Variants in JARID2 observed in about 807,000 individuals in gnomAD.
JARID2 encodes jumonji and AT-rich interaction domain containing 2, also known as protein Jumonji.
In JARID2, 21 loss-of-function variants were observed where a neutral mutation model predicts 125.6. The observed-to-expected ratio is 0.17, with a 90% CI of 0.12 to 0.24. JARID2 has a LOEUF of 0.24. JARID2 is among the 10% of genes least tolerant of loss of function. The pLI is 1.00. For synonymous variants in JARID2, 736 were observed against 661.6 expected, an observed-to-expected ratio of 1.11 and a Z score of -1.73; for missense variants, 1,303 against 1,639.6, an observed-to-expected ratio of 0.79 and a Z score of 3.55.
chr6:15,259,110 G>A (rs1479674273), intron 1 of JARID2, among the ~76,000 whole-genome samples: 1 of 152,198 alleles, frequency 6.6e-6, no homozygotes, highest in Non-Finnish European at 1.5e-5. Flanking sequence ...TGGTTTGTGA[G>A]GATGAGGGTA....
chr6:15,411,230 T>C (rs1219800988), intron 3 of JARID2, among the ~76,000 whole-genome samples: 1 of 152,200 alleles, frequency 6.6e-6, no homozygotes, highest in Non-Finnish European at 1.5e-5. Flanking sequence ...TTACTCATTC[T>C]GGAGAATTTA....
chr6:15,380,356 T>G (rs548933715), intron 2 of JARID2, among the ~76,000 whole-genome samples: 1 of 152,284 alleles, frequency 6.6e-6, no homozygotes, highest in South Asian at 2.1e-4. Context: ...AATTTTTTAT[T>G]GGGAAAAAGA....
chr6:15,381,570 A>G (rs911635950), intron 2 of JARID2, among the ~76,000 whole-genome samples: 8 of 152,304 alleles, frequency 5.3e-5, no homozygotes, highest in Middle Eastern at 3.4e-3. Flanking sequence ...AAGGGCTTCA[A>G]TGTTGTTGAA....
At chr6:15,316,703 A>G (rs1161873992) in intron 1 of JARID2, among the ~76,000 whole-genome samples, 1 of 152,098 alleles carries the variant, frequency 6.6e-6, no homozygotes, top group Admixed American at 6.5e-5. Flanking sequence ...GGGTTTCACC[A>G]TGTTGGCCAG....
chr6:15,392,071 T>C (rs1765036050), intron 2 of JARID2, among the ~76,000 whole-genome samples: 2 of 107,948 alleles, frequency 1.9e-5, no homozygotes, highest in Admixed American at 8.7e-5. Flanking sequence ...TGTGTGTGTG[T>C]GTGTGTGCGT....
intron 7 of JARID2, among the ~76,000 whole-genome samples, chr6:15,497,510 C>T (rs951108412): frequency 8.6e-5 from 13 of 151,972 alleles, no homozygotes; most frequent in South Asian, 2.1e-4. Context: ...ATTAGCCGGG[C>T]GTGGTGGCGG....
intron 2 of JARID2, among the ~76,000 whole-genome samples, chr6:15,388,792 C>G (rs1561830757): frequency 6.6e-6 from 1 of 152,148 alleles, no homozygotes; most frequent in Non-Finnish European, 1.5e-5. Flanking sequence ...CCCGTAGCTT[C>G]TCTCCCTGAC....
At chr6:15,509,035 TC>T (rs891205603) in intron 12 of JARID2, 9 of 1,289,254 alleles carry the variant, frequency 7.0e-6, no homozygotes, top group African/African-American at 3.0e-5. Context: ...GGAATCTCGT[TC>T]CTGCCATGTG....
chr6:15,323,189 C>A (rs559025046), intron 1 of JARID2, among the ~76,000 whole-genome samples: 2 of 152,274 alleles, frequency 1.3e-5, no homozygotes, highest in Non-Finnish European at 2.9e-5. Context: ...GCTTGCCAGG[C>A]AGGCAGGCAC....
At chr6:15,408,183 T>C (rs1388301488) in intron 2 of JARID2, among the ~76,000 whole-genome samples, 5 of 152,088 alleles carry the variant, frequency 3.3e-5, no homozygotes, top group Admixed American at 6.6e-5. Context: ...GCCCAGGAGG[T>C]CAAGGCTGCA....
intron 1 of JARID2, among the ~76,000 whole-genome samples, chr6:15,277,347 C>A (rs1487225381): frequency 6.6e-6 from 1 of 152,114 alleles, no homozygotes; most frequent in Non-Finnish European, 1.5e-5. Context: ...TGGTTTGGAA[C>A]TCCTGGGCTC....
At chr6:15,285,962 T>C (rs1760983671) in intron 1 of JARID2, among the ~76,000 whole-genome samples, 1 of 152,236 alleles carries the variant, frequency 6.6e-6, no homozygotes, top group Non-Finnish European at 1.5e-5. Context: ...ATTTCTGATG[T>C]ATAACTATGA....
chr6:15,252,788 T>A (rs1214068918), intron 1 of JARID2, among the ~76,000 whole-genome samples: 1 of 152,220 alleles, frequency 6.6e-6, no homozygotes, highest in Non-Finnish European at 1.5e-5. Flanking sequence ...AACTGTACTC[T>A]TTATATCCTG....
In JARID2 at chr6:15,508,760, G is replaced by A. The variant is rs138020210; in HGVS notation, c.2846+306G>A. On this transcript the variant is annotated intron_variant, in intron 12 of 17. Transcript: ENST00000341776. ...GTTCCCTTAAGAATTACCTACTTAC[G>A]TCTGTTTTTGTTTTGTTTTGTTTCG... Among the ~76,000 whole-genome samples the A allele has an allele frequency of 5.2e-4, 79 of 152,216 alleles. 1 individual carries two copies. The East Asian group carries it at 0.014, about 27-fold the overall frequency.
At chr6:15,455,748 G>A (rs183836405) in intron 4 of JARID2, among the ~76,000 whole-genome samples, 8 of 152,198 alleles carry the variant, frequency 5.3e-5, no homozygotes, top group Non-Finnish European at 7.4e-5. Flanking sequence ...GGCTGATCTC[G>A]AACTCCTGAC....
chr6:15,513,098 G>GTCCCCCCCGAGCA (rs1771356265), intron 15 of JARID2, 53 bp downstream of exon 15: 6 of 1,610,754 alleles, frequency 3.7e-6, no homozygotes, highest in Non-Finnish European at 4.2e-6. Flanking sequence ...TGCCCTTCGG[G>GTCCCCCCCGAGCA]GGCTCACCCC....
intron 1 of JARID2, among the ~76,000 whole-genome samples, chr6:15,280,657 C>CT (rs1760715943): frequency 7.0e-6 from 1 of 142,968 alleles, no homozygotes; most frequent in Admixed American, 7.1e-5. Flanking sequence ...GAGATGGAGT[C>CT]TCGCTCTGTT....
chr6:15,496,299 G>A lies in JARID2; in HGVS notation c.1074G>A (p.Lys358=), dbSNP rs745986790. 1 of 1,614,190 alleles carries A rather than the reference G, an allele frequency of 6.2e-7. No homozygotes were observed. Among genetic ancestry groups the A allele is most frequent in the East Asian group, 2.2e-5 (1 of 44,870 alleles). The change falls in exon 7 of 18, where the codon AAG becomes AAA. Residue 358 remains lysine, a synonymous_variant. Transcript: ENST00000341776. ...CCAAAGCCAAGAGAGAACTGGTCAA[G>A]GACACCAAACCCAATCACCACAAGC... ...TYTKAKRELV[K]DTKPNHHKPS...
intron 1 of JARID2, chr6:15,247,745 C>T (rs1402862999): frequency 2.0e-6 from 2 of 985,116 alleles, no homozygotes; most frequent in Non-Finnish European, 2.4e-6. Flanking sequence ...GAGAGCTGAT[C>T]CTTATCTAGA....
Sources: allele counts gnomAD v4.1 joint callset (sites outside exome capture counted in the v4.1 genomes callset), GRCh38; gene constraint gnomAD v4.1.1; transcripts MANE v1.5; gene names NCBI Gene and HGNC (gene_info 2026-07-23, HGNC 2026-07-21).